HIVEP3: variants seen among roughly 807,000 people sequenced by gnomAD.
HIVEP3 encodes transcription factor HIVEP3.
In HIVEP3, 49 loss-of-function variants were observed where a neutral mutation model predicts 152.8. That is an observed-to-expected ratio of 0.32 (90% CI 0.26 to 0.41). The LOEUF is 0.41. HIVEP3 is among the 10% of genes least tolerant of loss of function. HIVEP3 has a pLI of 1.00. For synonymous variants in HIVEP3, 1,269 were observed against 1,289.0 expected (o/e 0.98, Z 0.33); for missense variants, 2,790 against 3,103.3 (o/e 0.90, Z 2.40).
intron 1 of HIVEP3, among the ~76,000 whole-genome samples, chr1:41,796,378 G>A (rs1381261127): frequency 6.6e-6 from 1 of 152,248 alleles, no homozygotes; most frequent in Non-Finnish European, 1.5e-5. Flanking sequence ...AAGCAACAGA[G>A]GACAGAGAAC....
At chr1:41,612,134 C>T (rs1361313183) in intron 3 of HIVEP3, among the ~76,000 whole-genome samples, 1 of 152,114 alleles carries the variant, frequency 6.6e-6, no homozygotes, top group Non-Finnish European at 1.5e-5. Context: ...TTTCTGCCTC[C>T]TGCCAGGGTT....
At chr1:41,946,371 G>A (rs748672284) in intron 1 of HIVEP3, among the ~76,000 whole-genome samples, 12 of 152,162 alleles carry the variant, frequency 7.9e-5, no homozygotes, top group African/African-American at 1.4e-4. Context: ...ACCATTGAGA[G>A]CCAGGAAGTT....
intron 1 of HIVEP3, among the ~76,000 whole-genome samples, chr1:41,925,818 T>C (rs1270924084): frequency 6.6e-6 from 1 of 152,210 alleles, no homozygotes; most frequent in Non-Finnish European, 1.5e-5. Flanking sequence ...CCCTCTCCCC[T>C]TCTTAGTAAT....
rs116995427 is a variant in HIVEP3, at chr1:41,966,869, T to C, written n.120-48345A>G. 2.3e-3 allele frequency among the ~76,000 whole-genome samples: 347 copies of C among 151,458 alleles called. 13 individuals are homozygous for C. The East Asian group carries it at 0.057, about 25-fold the overall frequency. On this transcript the variant is annotated intron_variant and non_coding_transcript_variant, in intron 1 of 3. Transcript: ENST00000489103. Reference sequence around the variant, plus strand: ...GATGGAGGAGAATTTACCAAGCAAATGGAAAGCAGAAAAAAAGCAGGGGTT... The same window carrying C: ...GATGGAGGAGAATTTACCAAGCAAACGGAAAGCAGAAAAAAAGCAGGGGTT...
chr1:41,607,908 A>G (rs1644844334), intron 3 of HIVEP3, among the ~76,000 whole-genome samples: 2 of 152,088 alleles, frequency 1.3e-5, no homozygotes, highest in Admixed American at 1.3e-4. Context: ...ATCTCCCACC[A>G]TCACATCCAC....
chr1:41,821,303 G>A (rs1183975933), intron 1 of HIVEP3, among the ~76,000 whole-genome samples: 1 of 152,138 alleles, frequency 6.6e-6, no homozygotes, highest in African/African-American at 2.4e-5. Flanking sequence ...CATCTGACTT[G>A]GCATAATCTG....
chr1:41,857,208 C>T (rs1189551925), intron 1 of HIVEP3, among the ~76,000 whole-genome samples: 2 of 152,152 alleles, frequency 1.3e-5, no homozygotes, highest in Admixed American at 6.5e-5. Flanking sequence ...AGGCCCCTCT[C>T]CCTGGACACA....
At chr1:41,768,711 T>G (rs1489468151) in intron 1 of HIVEP3, among the ~76,000 whole-genome samples, 1 of 148,002 alleles carries the variant, frequency 6.8e-6, no homozygotes, top group Non-Finnish European at 1.5e-5. Flanking sequence ...GGAACTGCCT[T>G]CACCTCCTCT....
At chr1:41,545,045 TAC>T (rs1643703046) in intron 5 of HIVEP3, among the ~76,000 whole-genome samples, 1 of 21,484 alleles carries the variant, frequency 4.7e-5, no homozygotes, top group Admixed American at 3.9e-4. Flanking sequence ...CCAATACCAC[TAC>T]CACCACCATC....
chr1:41,565,643 C>T (rs1644151298), intron 5 of HIVEP3, among the ~76,000 whole-genome samples: 1 of 152,084 alleles, frequency 6.6e-6, no homozygotes, highest in South Asian at 2.1e-4. Flanking sequence ...GAGAAGCCAG[C>T]TTCCTCCTGG....
intron 1 of HIVEP3, among the ~76,000 whole-genome samples, chr1:41,885,383 G>A (rs1180649885): frequency 6.6e-6 from 1 of 151,830 alleles, no homozygotes; most frequent in Admixed American, 6.6e-5. Context: ...AAAAAAAAAA[G>A]GGCCAGTCAC....
intron 5 of HIVEP3, among the ~76,000 whole-genome samples, chr1:41,537,315 T>G (rs1011890260): frequency 6.6e-6 from 1 of 152,250 alleles, no homozygotes; most frequent in African/African-American, 2.4e-5. Context: ...TTTATTATGA[T>G]CTGGTTGCCA....
At chr1:41,872,945 T>G (rs985059033) in intron 1 of HIVEP3, among the ~76,000 whole-genome samples, 1 of 152,268 alleles carries the variant, frequency 6.6e-6, no homozygotes, top group Admixed American at 6.5e-5. Context: ...ATGCTGTGCA[T>G]GTTTAACTTT....
chr1:41,947,142 A>G (rs1645079527), intron 1 of HIVEP3, among the ~76,000 whole-genome samples: 2 of 152,222 alleles, frequency 1.3e-5, no homozygotes, highest in South Asian at 4.1e-4. Flanking sequence ...CCAAGGGTTC[A>G]GGGATAGACC....
chr1:41,907,211 G>A (rs2182173), intron 1 of HIVEP3, among the ~76,000 whole-genome samples: 1 of 152,160 alleles, frequency 6.6e-6, no homozygotes. Context: ...CTTTGTCCAA[G>A]AAAAACATGT....
Position 41,513,701 on chromosome 1 carries a change from C to A in HIVEP3, c.5520G>T (p.Glu1840Asp). The A allele has an allele frequency of 6.2e-7, 1 of 1,604,594 alleles. No homozygotes were observed. The highest frequency in any genetic ancestry group is 8.5e-7 in the Non-Finnish European group (1 of 1,176,004). ...FQDSEGREGS[E>D]AVEEHQFSDL... ...CCGAAAACTGGTGCTCCTCCACAGC[C>A]TCTGAACCCTCTCGTCCTTCCGAGT... The change falls in exon 8 of 9, where the codon GAG (glutamate) becomes GAT (aspartate). Residue 1840 changes from glutamate (E) to aspartate (D), a missense_variant. Around this residue, in one of 9 missense-constraint regions of HIVEP3, gnomAD observed 816 missense variants for 806.5 expected, o/e 1.01. Transcript: ENST00000372583.
chr1:41,831,733 G>A (rs1052200435), intron 1 of HIVEP3, among the ~76,000 whole-genome samples: 13 of 152,196 alleles, frequency 8.5e-5, no homozygotes, highest in African/African-American at 3.1e-4. Context: ...CACTGGTTGA[G>A]GCTGCCTGTG....
At chr1:41,689,599 G>A (rs1461394376) in intron 2 of HIVEP3, among the ~76,000 whole-genome samples, 1 of 152,214 alleles carries the variant, frequency 6.6e-6, no homozygotes, top group Non-Finnish European at 1.5e-5. Flanking sequence ...CTGTCCTCCT[G>A]TACCCTTTGC....
intron 5 of HIVEP3, among the ~76,000 whole-genome samples, chr1:41,550,360 CT>C (rs1222344920): frequency 6.6e-6 from 1 of 152,226 alleles, no homozygotes; most frequent in East Asian, 1.9e-4. Flanking sequence ...GCAGTGCGGG[CT>C]TTTTTTTGGT....
Sources: gnomAD v4.1 joint callset for allele counts (sites outside exome capture counted in the v4.1 genomes callset) on GRCh38, gnomAD v4.1.1 for gene constraint, gnomAD v4.1.1 regional missense constraint, MANE v1.5 for transcripts, NCBI Gene and HGNC (gene_info 2026-07-23, HGNC 2026-07-21) for gene names.